IDI1: variants seen among roughly 807,000 people sequenced by gnomAD.
IDI1 encodes isopentenyl-diphosphate Delta-isomerase 1.
In IDI1, 23 loss-of-function variants were observed where a neutral mutation model predicts 32.9. That is an observed-to-expected ratio of 0.70 (90% CI 0.50 to 0.99). The LOEUF is 0.99. Ranked by LOEUF, IDI1 falls within the 50% of genes least tolerant of loss-of-function variation. The probability of loss-of-function intolerance (pLI) is 0.00; values close to 1 mark genes in which losing one functional copy is unlikely to be tolerated. For synonymous variants in IDI1, 133 were observed against 128.2 expected, an observed-to-expected ratio of 1.04 and a Z score of -0.25; for missense variants, 326 against 351.9, an observed-to-expected ratio of 0.93 and a Z score of 0.59.
At chr10:1,042,829 G>C in intron 3 of IDI1, 67 bp from the exon 4 acceptor site, 1 of 1,349,110 alleles carries the variant, frequency 7.4e-7, no homozygotes, top group East Asian at 2.3e-5. Context: ...TCAAGAAAAA[G>C]TTTTATAAGT....
intron 1 of IDI1, 106 bp downstream of exon 1, chr10:1,048,758 G>C: frequency 1.3e-6 from 2 of 1,498,574 alleles, no homozygotes; most frequent in Middle Eastern, 2.4e-4. Flanking sequence ...TCCGCGCCGA[G>C]ACCTCACGGG....
At chr10:1,042,894 C>T in intron 3 of IDI1, 132 bp from the exon 4 acceptor site, 1 of 716,808 alleles carries the variant, frequency 1.4e-6, no homozygotes, top group Non-Finnish European at 2.3e-6. Flanking sequence ...AATGGGCTAT[C>T]AGTAATTATT....
upstream of IDI1, chr10:1,049,402 G>A (rs191810502): frequency 1.5e-5 from 3 of 201,620 alleles, no homozygotes; most frequent in South Asian, 1.5e-4. Context: ...ACCTCCGCAT[G>A]GCTGGACCAA....
Position 1,039,767 on chromosome 10 carries a change from A to T in IDI1, c.*1420T>A, listed in dbSNP as rs937220621. The T allele has an allele frequency of 3.9e-5, 6 of 152,244 alleles. No individual in the cohort carries two copies. Among genetic ancestry groups the T allele is most frequent in the Admixed American group, 6.5e-5 (1 of 15,290 alleles). The allele number at this position is 152,244 out of a possible 1,614,324, so 9.4% of individuals were successfully genotyped here. On this transcript the variant is annotated 3_prime_UTR_variant, in exon 5 of 5. Transcript: ENST00000381344. Reference sequence around the variant, plus strand: ...CCATGGCAACTCATAGTTATCACATAACTAATTATATGTGGCTTTCAGCCT... The same window carrying T: ...CCATGGCAACTCATAGTTATCACATTACTAATTATATGTGGCTTTCAGCCT...
chr10:1,051,168 A>C (rs1003342027), upstream of IDI1, among the ~76,000 whole-genome samples: 1 of 152,250 alleles, frequency 6.6e-6, no homozygotes, highest in Non-Finnish European at 1.5e-5. Context: ...TGAATTAAAC[A>C]GATCTTCCAA....
Position 1,048,949 on chromosome 10 carries a change from C to A in IDI1, c.55G>T (p.Gly19Cys). Residue 19 changes from glycine to cysteine, a missense_variant, in exon 1 of 5, where the codon GGC becomes TGC. Physicochemically the swap from Gly to Cys is radical, Grantham distance 159. This residue lies in a region of IDI1 where 121 missense variants were observed against 78.4 expected (regional missense o/e 1.54). Transcript: ENST00000381344. Reference protein sequence around the residue: ...RAIGCAARGRGQWAVRAADCA... With the variant: ...RAIGCAARGRCQWAVRAADCA... The stretch of plus-strand genomic sequence containing the variant: ...TCTGCGGCGCGCACCGCCCACTGGC[C>A]CCGCCCCCGGGCCGCGCAGCCAATC... The A allele has an allele frequency of 1.3e-6, 2 of 1,572,850 alleles. No homozygotes were observed. Among genetic ancestry groups the A allele is most frequent in the Non-Finnish European group, 1.7e-6 (2 of 1,162,974 alleles).
chr10:1,041,540 C>T (rs61830997), intron 4 of IDI1, 36 bp from the exon 5 acceptor site: 108 of 1,220,624 alleles, frequency 8.8e-5, no homozygotes, highest in African/African-American at 3.8e-4. Flanking sequence ...ATTAAAACAT[C>T]GGCCACCGTA....
the IDI1 span, chr10:1,056,529 G>C: frequency 6.6e-6 from 1 of 152,228 alleles, no homozygotes; most frequent in South Asian, 2.1e-4. Context: ...CCCGGCTGCC[G>C]GGCTACGGGG....
chr10:1,054,027 T>G (rs538045360), upstream of IDI1, among the ~76,000 whole-genome samples: 36 of 152,354 alleles, frequency 2.4e-4, no homozygotes, highest in African/African-American at 8.7e-4. Context: ...CTGTCTTATA[T>G]AGGGGTGGTT....
chr10:1,043,529 T>A, intron 2 of IDI1, 136 bp from the exon 3 acceptor site: 1 of 715,864 alleles, frequency 1.4e-6, no homozygotes, highest in Non-Finnish European at 2.6e-6. Flanking sequence ...ACATGCATAG[T>A]CTCTGCATGG....
the IDI1 span, among the ~76,000 whole-genome samples, chr10:1,055,252 T>C: frequency 6.6e-6 from 1 of 152,236 alleles, no homozygotes; most frequent in Non-Finnish European, 1.5e-5. Flanking sequence ...AACTTTTACT[T>C]TATTGGATTC....
rs1832889024 is a variant in IDI1, at chr10:1,048,855, C to A, written c.140+9G>T. The A allele has an allele frequency of 1.2e-6, 2 of 1,605,548 alleles. No homozygotes were observed. The highest frequency in any genetic ancestry group is 2.7e-5 in the African/African-American group (2 of 74,110). On this transcript the variant is annotated intron_variant, in intron 1 of 4. Coordinates refer to ENST00000381344, the MANE Select transcript of IDI1 (RefSeq NM_004508.4). ...CTGTCTCCCGAACTCCGCCGCCCGT[C>A]CACAGTACCTGATCAGCCTCCGGCC...
At chr10:1,043,196 G>T in intron 3 of IDI1, 105 bp downstream of exon 3, 1 of 696,404 alleles carries the variant, frequency 1.4e-6, no homozygotes, top group Non-Finnish European at 2.5e-6. Flanking sequence ...ATAAAATTAT[G>T]CCATTCACAG....
chr10:1,053,737 T>C (rs1324893071), upstream of IDI1, among the ~76,000 whole-genome samples: 1 of 152,144 alleles, frequency 6.6e-6, no homozygotes, highest in Non-Finnish European at 1.5e-5. Flanking sequence ...GCCTGATTTT[T>C]TTTTTTTTTT....
chr10:1,048,936 A>G lies in IDI1; in HGVS notation c.68T>C (p.Val23Ala), dbSNP rs1221637870. 15 of 1,588,546 alleles carry G rather than the reference A, an allele frequency of 9.4e-6. No individual in the cohort carries two copies. The highest frequency in any genetic ancestry group is 3.4e-5 in the Admixed American group (2 of 58,384). Residue 23 changes from valine to alanine, a missense_variant, in exon 1 of 5, where the codon GTG (valine) becomes GCG (alanine). By Grantham distance (64) the Val-to-Ala change is moderately conservative. Around this residue, in one of 2 missense-constraint regions of IDI1, gnomAD observed 121 missense variants for 78.4 expected, o/e 1.54. Transcript: ENST00000381344. ...CAARGRGQWA[V>A]RAADCAQSGR... ...GCTTTGAGCACAGTCTGCGGCGCGC[A>G]CCGCCCACTGGCCCCGCCCCCGGGC...
the IDI1 span, among the ~76,000 whole-genome samples, chr10:1,055,020 A>C: frequency 2.4e-4 from 36 of 152,322 alleles, no homozygotes; most frequent in African/African-American, 8.2e-4. Context: ...GAAGGAATCA[A>C]CCCTGCCAAT....
Position 1,048,953 on chromosome 10 carries a change from C to G in IDI1, c.51G>C (p.Gly17=). The change falls in exon 1 of 5, where the codon GGG becomes GGC. Residue 17 remains glycine (G), a synonymous_variant. Transcript: ENST00000381344. ...LARAIGCAAR[G]RGQWAVRAAD... is the part of the protein sequence containing the mutation. ...CGGCGCGCACCGCCCACTGGCCCCG[C>G]CCCCGGGCCGCGCAGCCAATCGCTC... is the stretch of plus-strand genomic sequence containing the variant. The G allele has an allele frequency of 6.4e-7, 1 of 1,565,092 alleles. No individual in the cohort carries two copies. The highest frequency in any genetic ancestry group is 8.6e-7 in the Non-Finnish European group (1 of 1,159,466).
At chr10:1,055,952 G>C in the IDI1 span, among the ~76,000 whole-genome samples, 1 of 152,102 alleles carries the variant, frequency 6.6e-6, no homozygotes, top group East Asian at 1.9e-4. Context: ...GGGGTTACAG[G>C]CGCGCGCCGC....
Position 1,042,731 on chromosome 10 carries a change from T to C in IDI1, c.438A>G (p.Pro146=), listed in dbSNP as rs779384415. The change falls in exon 4 of 5, where the codon CCA becomes CCG. Residue 146 remains proline, a synonymous_variant. Coordinates refer to ENST00000381344, the MANE Select transcript of IDI1 (RefSeq NM_004508.4). ...GCFTNTCCSH[P]LSNPAELEES... is the part of the protein sequence containing the mutation. ...CCTCAAGCTCGGCTGGATTGCTTAA[T>C]GGATGACTACAACACGTATTCGTAA... The C allele has an allele frequency of 1.2e-6, 2 of 1,614,004 alleles. No individual in the cohort carries two copies. The highest frequency in any genetic ancestry group is 1.7e-6 in the Non-Finnish European group (2 of 1,179,912).
Sources: gnomAD v4.1 joint callset for allele counts (sites outside exome capture counted in the v4.1 genomes callset) on GRCh38, gnomAD v4.1.1 for gene constraint, gnomAD v4.1.1 regional missense constraint, MANE v1.5 for transcripts, NCBI Gene and HGNC (gene_info 2026-07-23, HGNC 2026-07-21) for gene names.